PACRG: variants seen among roughly 807,000 people sequenced by gnomAD.
PACRG encodes parkin coregulated.
In PACRG, 29 loss-of-function variants were observed where a neutral mutation model predicts 29.7. The ratio of observed to expected loss-of-function variants is 0.98; its 90% CI spans 0.73 to 1.33. The LOEUF (loss-of-function observed/expected upper bound fraction) is 1.33, where lower values mean the gene tolerates loss of function less well. PACRG is among the 40% of genes most tolerant of loss of function. The pLI is 0.00. For missense variants in PACRG, 279 were observed against 316.2 expected (o/e 0.88, Z 0.89); for synonymous variants, 116 against 118.7 (o/e 0.98, Z 0.15).
intron 2 of PACRG, among the ~76,000 whole-genome samples, chr6:162,987,865 T>C (rs569419307): frequency 1.3e-5 from 2 of 152,314 alleles, no homozygotes; most frequent in African/African-American, 4.8e-5. Flanking sequence ...AGTTGTCCCA[T>C]GGACAGACCC....
At chr6:163,236,592 C>T (rs9458766) in intron 4 of PACRG, among the ~76,000 whole-genome samples, 48,373 of 151,934 alleles carry the variant, frequency 0.32, 7,830 homozygotes, top group South Asian at 0.42. Flanking sequence ...TTCCTACCCT[C>T]GGGTGAATAA....
At chr6:162,738,393 G>A (rs1318972403) in intron 1 of PACRG, among the ~76,000 whole-genome samples, 1 of 152,208 alleles carries the variant, frequency 6.6e-6, no homozygotes, top group Non-Finnish European at 1.5e-5. Flanking sequence ...ACGTTCAGAT[G>A]TGACTTTCCC....
chr6:163,089,445 A>G (rs1165132694), intron 4 of PACRG, 37 bp downstream of exon 4: 1 of 1,604,144 alleles, frequency 6.2e-7, no homozygotes. Context: ...CTTTTAAGCC[A>G]AAGAAAAAGG....
At chr6:162,873,898 G>A (rs779152233) in intron 2 of PACRG, among the ~76,000 whole-genome samples, 59 of 152,022 alleles carry the variant, frequency 3.9e-4, no homozygotes, top group Non-Finnish European at 7.6e-4. Context: ...AAATAACTGC[G>A]CATTCACTCT....
rs954503795 is a variant in PACRG, at chr6:162,928,466, T to C, written c.291+114185T>C. Among the ~76,000 whole-genome samples, 3 of 152,026 alleles carry C rather than the reference T, an allele frequency of 2.0e-5. 1 individual carries two copies. Among genetic ancestry groups the C allele is most frequent in the Admixed American group, 1.3e-4 (2 of 15,228 alleles). Reference sequence around the variant, plus strand: ...TTTAAAATATTCTCCAAAGAAACTATTTTTAAATTTTTTGTATTGATACAT... The same window carrying C: ...TTTAAAATATTCTCCAAAGAAACTACTTTTAAATTTTTTGTATTGATACAT... On this transcript the variant is annotated intron_variant, in intron 2 of 4. Coordinates refer to ENST00000366888, the MANE Select transcript of PACRG (RefSeq NM_001080379.2).
At chr6:162,935,313 C>T (rs904972677) in intron 2 of PACRG, among the ~76,000 whole-genome samples, 2 of 151,658 alleles carry the variant, frequency 1.3e-5, no homozygotes, top group Non-Finnish European at 2.9e-5. Context: ...TCTGGAACTC[C>T]CAAAATGCAA....
chr6:163,105,227 C>T (rs900839275), intron 4 of PACRG, among the ~76,000 whole-genome samples: 1 of 152,054 alleles, frequency 6.6e-6, no homozygotes, highest in Admixed American at 6.6e-5. Context: ...AAATAAATAA[C>T]TTCCAGGCCC....
intron 2 of PACRG, among the ~76,000 whole-genome samples, chr6:162,872,622 C>G (rs1337719408): frequency 6.6e-6 from 1 of 152,000 alleles, no homozygotes; most frequent in Non-Finnish European, 1.5e-5. Flanking sequence ...AAAACTTGTA[C>G]AGATTATAGA....
chr6:162,882,894 A>C (rs990119562), intron 2 of PACRG, among the ~76,000 whole-genome samples: 1 of 152,198 alleles, frequency 6.6e-6, no homozygotes, highest in Non-Finnish European at 1.5e-5. Flanking sequence ...AGAAACCCTG[A>C]CTAGATCATT....
chr6:162,943,044 G>C (rs1178953789), intron 2 of PACRG, among the ~76,000 whole-genome samples: 2 of 152,176 alleles, frequency 1.3e-5, no homozygotes, highest in African/African-American at 2.4e-5. Flanking sequence ...ACCCCCAGCT[G>C]ACCACATTCC....
At chr6:163,181,402 G>A (rs936531781) in intron 4 of PACRG, among the ~76,000 whole-genome samples, 26 of 151,970 alleles carry the variant, frequency 1.7e-4, no homozygotes, top group African/African-American at 2.4e-5. Flanking sequence ...AAGCAGTGCC[G>A]GGGCTGGAGA....
chr6:162,788,872 T>C (rs1784720404), intron 1 of PACRG, among the ~76,000 whole-genome samples: 1 of 152,196 alleles, frequency 6.6e-6, no homozygotes, highest in Non-Finnish European at 1.5e-5. Flanking sequence ...TATTTTGAGT[T>C]TGAAGAGTTG....
chr6:163,262,175 G>A (rs1384876497), intron 4 of PACRG, among the ~76,000 whole-genome samples: 3 of 152,174 alleles, frequency 2.0e-5, no homozygotes, highest in African/African-American at 4.8e-5. Context: ...TTTGTCTTTC[G>A]TTTTTCACAC....
At chr6:163,166,669 A>G (rs1778828150) in intron 4 of PACRG, among the ~76,000 whole-genome samples, 1 of 152,248 alleles carries the variant, frequency 6.6e-6, no homozygotes, top group Admixed American at 6.5e-5. Context: ...ATATCTTCCC[A>G]AAGCATGACA....
chr6:162,820,014 G>A (rs1035728612), intron 2 of PACRG, among the ~76,000 whole-genome samples: 22 of 152,168 alleles, frequency 1.4e-4, no homozygotes, highest in African/African-American at 5.3e-4. Context: ...GTCTTGAGGG[G>A]GTTGAACTTT....
At chr6:163,130,685 C>T (rs1018499686) in intron 4 of PACRG, among the ~76,000 whole-genome samples, 1 of 152,170 alleles carries the variant, frequency 6.6e-6, no homozygotes, top group African/African-American at 2.4e-5. Flanking sequence ...CTGGGCCTCT[C>T]CCCCATACCT....
intron 1 of PACRG, 24 bp from the exon 2 acceptor site, chr6:162,814,123 C>T (rs2128362037): frequency 1.9e-6 from 3 of 1,588,848 alleles, no homozygotes; most frequent in East Asian, 2.3e-5. Context: ...AAACCTGATC[C>T]CTATTTTTTT....
chr6:162,822,878 T>C (rs1487265213), intron 2 of PACRG, among the ~76,000 whole-genome samples: 2 of 152,038 alleles, frequency 1.3e-5, no homozygotes, highest in Non-Finnish European at 2.9e-5. Context: ...TTATAACACA[T>C]GTATTATAAC....
intron 4 of PACRG, among the ~76,000 whole-genome samples, chr6:163,188,415 T>C (rs1276455049): frequency 1.3e-5 from 2 of 152,190 alleles, no homozygotes; most frequent in African/African-American, 2.4e-5. Context: ...GAAGCTACAG[T>C]AGAAAATCTA....
Sources: gnomAD v4.1 joint callset for allele counts (sites outside exome capture counted in the v4.1 genomes callset) on GRCh38, gnomAD v4.1.1 for gene constraint, MANE v1.5 for transcripts, NCBI Gene and HGNC (gene_info 2026-07-23, HGNC 2026-07-21) for gene names.